Variants in SMS observed in about 807,000 individuals in gnomAD.
The protein encoded by SMS is spermine synthase.
SMS carries 3 observed loss-of-function variants against 33.0 expected under a neutral mutation model. That is an observed-to-expected ratio of 0.09 (90% CI 0.04 to 0.23). The LOEUF (loss-of-function observed/expected upper bound fraction) is 0.23, where lower values mean the gene tolerates loss of function less well. Ranked by LOEUF, SMS falls within the 10% of genes least tolerant of loss-of-function variation. The pLI, the probability that SMS is intolerant of heterozygous loss-of-function variation, is 1.00. For synonymous variants in SMS, 103 were observed against 112.2 expected (o/e 0.92, Z 0.52); for missense variants, 117 against 288.6 (o/e 0.41, Z 4.31).
chrX:21,978,517 A>G (rs751753811), intron 6 of SMS, among the ~76,000 whole-genome samples: 6 of 111,922 alleles, frequency 5.4e-5, no homozygotes, highest in African/African-American at 1.9e-4. Flanking sequence ...CAGAGGTTGC[A>G]GTAAGCCAAG....
At chrX:21,985,265 C>A in intron 9 of SMS, 42 bp downstream of exon 9, 1 of 827,827 alleles carries the variant, frequency 1.2e-6, no homozygotes, top group Non-Finnish European at 1.8e-6. Context: ...CGCTCTAAGA[C>A]TTTCCTGTTT....
intron 2 of SMS, among the ~76,000 whole-genome samples, chrX:21,970,776 ACTGT>A (rs1309749145): frequency 1.0e-5 from 1 of 99,832 alleles, no homozygotes; most frequent in African/African-American, 3.7e-5. Context: ...ATCCAAGCAC[ACTGT>A]CTGTATTCTC....
chrX:21,953,229 C>A (rs1022255230), intron 1 of SMS, among the ~76,000 whole-genome samples: 1 of 107,307 alleles, frequency 9.3e-6, no homozygotes, highest in Non-Finnish European at 1.9e-5. Context: ...CCGGCCCAGT[C>A]GGATTAACAT....
At chrX:21,987,416 C>G (rs973360128) in intron 9 of SMS, among the ~76,000 whole-genome samples, 3 of 112,232 alleles carry the variant, frequency 2.7e-5, no homozygotes, top group Non-Finnish European at 5.6e-5. Flanking sequence ...ATTGCAGCCT[C>G]AACCTCCCAG....
rs1924201522 is a variant in SMS at position 21,972,102 on chromosome X, C to T, written c.264+112C>T. On this transcript the variant is annotated intron_variant, in intron 3 of 10. Transcript: ENST00000404933. ...TACTTTCCAGTTAATTTTAAACTTT[C>T]CTCCCTCCACATAAGTGATTTTAGA... 1.8e-5 allele frequency: 10 copies of T among 565,624 alleles called. No individual in the cohort carries two copies. The South Asian group carries it at 2.6e-4, about 15-fold the overall frequency. The allele number at this position is 565,624 out of a possible 1,213,427, so 46.6% of individuals were successfully genotyped here.
At chrX:21,967,914 G>C (rs929861134) in intron 2 of SMS, among the ~76,000 whole-genome samples, 1 of 112,377 alleles carries the variant, frequency 8.9e-6, no homozygotes, top group Non-Finnish European at 1.9e-5. Context: ...TAAGTCCCTG[G>C]AGTAAGATTT....
Position 21,979,378 on chromosome X carries a change from G to A in SMS, c.750+412G>A, listed in dbSNP as rs746317204. On this transcript the variant is annotated intron_variant, in intron 7 of 10. Coordinates refer to ENST00000404933, the MANE Select transcript of SMS (RefSeq NM_004595.5). ...TAGCCCCCTACCCCCGATCGGCCCCGGTGTGTGATGTTCCCCTCCCTGTGT... is the reference window on the plus strand; with the variant it reads ...TAGCCCCCTACCCCCGATCGGCCCCAGTGTGTGATGTTCCCCTCCCTGTGT... Among the ~76,000 whole-genome samples the A allele has an allele frequency of 5.4e-4, 57 of 104,942 alleles. 1 individual carries two copies. Among genetic ancestry groups the A allele is most frequent in the Admixed American group, 4.9e-3 (47 of 9,571 alleles). The allele number at this position is 104,942 out of a possible 115,157, so 91.1% of individuals were successfully genotyped here.
chrX:21,983,526 A>G (rs1925124324), intron 7 of SMS, among the ~76,000 whole-genome samples: 2 of 111,039 alleles, frequency 1.8e-5, no homozygotes, highest in Admixed American at 1.9e-4. Context: ...CCAACCTCAA[A>G]CTTCTTTTCT....
intron 1 of SMS, among the ~76,000 whole-genome samples, chrX:21,949,799 C>A (rs1922481182): frequency 1.8e-5 from 2 of 110,985 alleles, no homozygotes; most frequent in Non-Finnish European, 1.9e-5. Context: ...TTCCTCAATC[C>A]TTTTTCTTAG....
chrX:21,961,998 C>T (rs1051380307), intron 1 of SMS, among the ~76,000 whole-genome samples: 5 of 112,320 alleles, frequency 4.5e-5, no homozygotes, highest in East Asian at 2.8e-4. Context: ...TGGACACTTA[C>T]GACCTTGCTA....
Position 21,944,539 on chromosome X carries a change from A to AAAAAAAAAAAAAAAAAAAAAAG in SMS, c.49+3672_49+3673insAAAAAAAAAAAAAAAGAAAAAA, listed in dbSNP as rs776946474. On this transcript the variant is annotated intron_variant, in intron 1 of 10. Transcript: ENST00000404933. ...TGTCTCTACAAAAAAAAAAAAAAAA[A>AAAAAAAAAAAAAAAAAAAAAAG]AAAAAAGAAAAAAAATTAGCCAGGT... Among the ~76,000 whole-genome samples, 42 of 81,399 alleles carry AAAAAAAAAAAAAAAAAAAAAAG rather than the reference A, an allele frequency of 5.2e-4. 2 individuals carry two copies. Among genetic ancestry groups the AAAAAAAAAAAAAAAAAAAAAAG allele is most frequent in the African/African-American group, 8.8e-4 (18 of 20,447 alleles). 70.7% of individuals were successfully genotyped at this position (81,399 alleles called of 115,157 possible).
At chrX:21,972,916 C>CAAAAAA (rs981181175) in intron 4 of SMS, among the ~76,000 whole-genome samples, 2 of 39,577 alleles carry the variant, frequency 5.1e-5, no homozygotes, top group African/African-American at 8.7e-5. Context: ...GAGACTGTCT[C>CAAAAAA]AAAAAAAAAA....
intron 9 of SMS, among the ~76,000 whole-genome samples, chrX:21,986,886 A>G (rs761783729): frequency 2.7e-5 from 3 of 111,639 alleles, no homozygotes; most frequent in African/African-American, 6.5e-5. Flanking sequence ...AATATTTTCT[A>G]TCAGACCCTT....
chrX:21,979,351 C>T (rs1301764394), intron 7 of SMS, among the ~76,000 whole-genome samples: 9 of 109,487 alleles, frequency 8.2e-5, no homozygotes, highest in Non-Finnish European at 1.7e-4. Flanking sequence ...CTATCCTTCC[C>T]CTAGCCCCCT....
rs767127871 is a variant in SMS, at chrX:21,984,328, G to A, written c.775G>A (p.Val259Ile). Residue 259 changes from valine to isoleucine, a missense_variant, in exon 8 of 11, where the codon GTA becomes ATA. Coordinates refer to ENST00000404933, the MANE Select transcript of SMS (RefSeq NM_004595.5). The part of the protein sequence containing the change: ...YQVLIEDCIP[V>I]LKRYAKEGRE... ...GGTTCTAATAGAAGACTGTATCCCGGTACTGAAGAGGTACGCCAAAGAAGG... is the reference window on the plus strand; with the variant it reads ...GGTTCTAATAGAAGACTGTATCCCGATACTGAAGAGGTACGCCAAAGAAGG... 4.2e-6 allele frequency: 5 copies of A among 1,178,753 alleles called. No individual in the cohort carries two copies. The South Asian group carries it at 7.1e-5, about 17-fold the overall frequency.
intron 1 of SMS, among the ~76,000 whole-genome samples, chrX:21,949,144 C>T (rs1202792509): frequency 9.0e-6 from 1 of 111,489 alleles, no homozygotes; most frequent in African/African-American, 3.3e-5. Flanking sequence ...GCCACAGATT[C>T]AAAAGGAGCT....
chrX:21,990,017 T>C lies in SMS; in HGVS notation c.946-2580T>C, dbSNP rs1401937349. On this transcript the variant is annotated intron_variant, in intron 9 of 10. Coordinates refer to ENST00000404933, the MANE Select transcript of SMS (RefSeq NM_004595.5). ...CTCTGCCTCCAAAGTGTTAGCATTA[T>C]AGATGTGAGCCGCCACACCTGGCCC... Among the ~76,000 whole-genome samples, 5 of 112,014 alleles carry C rather than the reference T, an allele frequency of 4.5e-5. No individual in the cohort carries two copies. The South Asian group carries it at 1.8e-3, about 41-fold the overall frequency.
chrX:21,973,975 G>A (rs1283186566), intron 4 of SMS, among the ~76,000 whole-genome samples: 2 of 112,934 alleles, frequency 1.8e-5, no homozygotes, highest in African/African-American at 3.2e-5. Context: ...TGCAAATGCA[G>A]GACAATTTAC....
At chrX:21,945,241 A>C (rs1217278245) in intron 1 of SMS, among the ~76,000 whole-genome samples, 3 of 111,607 alleles carry the variant, frequency 2.7e-5, no homozygotes, top group Non-Finnish European at 5.6e-5. Context: ...GTAAAGGTGG[A>C]ATGCTGGTTC....
Sources: gnomAD v4.1 joint callset for allele counts (sites outside exome capture counted in the v4.1 genomes callset) on GRCh38, gnomAD v4.1.1 for gene constraint, MANE v1.5 for transcripts, NCBI Gene and HGNC (gene_info 2026-07-23, HGNC 2026-07-21) for gene names.